Variants in BCAS3 observed in about 807,000 individuals in gnomAD.
The protein encoded by BCAS3 is BCAS4/BCAS3 fusion.
Under a neutral mutation model 116.1 loss-of-function variants are expected in BCAS3, and 53 were observed. The observed-to-expected ratio is 0.46, with a 90% CI of 0.37 to 0.57. The LOEUF is 0.57. Ranked by LOEUF, BCAS3 falls within the 20% of genes least tolerant of loss-of-function variation. The pLI, the probability that BCAS3 is intolerant of heterozygous loss-of-function variation, is 0.00. For synonymous variants in BCAS3, 391 were observed against 408.2 expected, an observed-to-expected ratio of 0.96 and a Z score of 0.51; for missense variants, 917 against 1,165.4, an observed-to-expected ratio of 0.79 and a Z score of 3.10.
At chr17:60,717,645 A>G (rs986659910) in intron 5 of BCAS3, among the ~76,000 whole-genome samples, 1 of 152,166 alleles carries the variant, frequency 6.6e-6, no homozygotes, top group Admixed American at 6.6e-5. Context: ...CCTTGTAAGG[A>G]CATCTAAAAT....
chr17:61,355,281 T>A lies in BCAS3; in HGVS notation c.2426-13046T>A, dbSNP rs1026928141. The A allele has an allele frequency of 6.6e-6, 1 of 152,044 alleles. No individual in the cohort carries two copies. The highest frequency in any genetic ancestry group is 1.5e-5 in the Non-Finnish European group (1 of 68,036). The allele number at this position is 152,044 out of a possible 1,614,324, so 9.4% of individuals were successfully genotyped here. A position where few individuals can be genotyped will look rare whatever the true frequency, so the allele number is the denominator to read the frequency against. On this transcript the variant is annotated intron_variant, in intron 22 of 23. Coordinates refer to ENST00000407086, the MANE Select transcript of BCAS3 (RefSeq NM_017679.5). This position sits in a 1 kb window ranked among gnomAD's most constrained non-coding sequence, Gnocchi z 4.2. ...CTTTGACTAATAAAAACAGAAGACT[T>A]CTTGGCCCCAGGTTTCAGACTTCAA...
intron 7 of BCAS3, chr17:60,810,907 A>T (rs962899123): frequency 1.4e-6 from 1 of 698,166 alleles, no homozygotes; most frequent in Non-Finnish European, 2.6e-6. Context: ...TCTCACCAAG[A>T]TCATGGCAGA....
At chr17:61,160,099 A>G (rs142153843) in intron 22 of BCAS3, among the ~76,000 whole-genome samples, 2 of 151,748 alleles carry the variant, frequency 1.3e-5, no homozygotes, top group East Asian at 1.9e-4. Flanking sequence ...AAATCTTTAT[A>G]TGCTACTAGA....
intron 14 of BCAS3, among the ~76,000 whole-genome samples, chr17:60,968,395 T>A (rs77636108): frequency 0.011 from 1,600 of 152,044 alleles, 40 homozygotes; most frequent in African/African-American, 0.037. Context: ...TTAAAAAGAA[T>A]TTTTTTTGTT....
Position 61,071,961 on chromosome 17 carries a change from A to G in BCAS3, c.2030-2959A>G, listed in dbSNP as rs192817194. The stretch of plus-strand genomic sequence containing the variant: ...TGTATCAAACATGGAAAAAATGGTG[A>G]GGCAGAGGAAGGATATTTATTTGAT... On this transcript the variant is annotated intron_variant, in intron 19 of 23. Transcript: ENST00000407086. Among the ~76,000 whole-genome samples, 666 of 152,324 alleles carry G rather than the reference A, an allele frequency of 4.4e-3. 6 individuals are homozygous for G. Among genetic ancestry groups the G allele is most frequent in the African/African-American group, 0.015 (617 of 41,572 alleles).
At chr17:60,870,011 C>A (rs1206392724) in intron 8 of BCAS3, among the ~76,000 whole-genome samples, 4 of 152,178 alleles carry the variant, frequency 2.6e-5, no homozygotes, top group African/African-American at 9.6e-5. Flanking sequence ...GAAATCAAAA[C>A]TGTAATTGTA....
chr17:60,809,840 T>C (rs1164579219), intron 7 of BCAS3, among the ~76,000 whole-genome samples: 2 of 152,146 alleles, frequency 1.3e-5, no homozygotes, highest in African/African-American at 4.8e-5. Context: ...GAATCCTCTG[T>C]TGAGTAGTTG....
At position 61,344,568 on chromosome 17, in the gene BCAS3, C is replaced by T. The variant is rs576125577; in HGVS notation, c.2426-23759C>T. Among the ~76,000 whole-genome samples the T allele has an allele frequency of 3.9e-5, 6 of 152,274 alleles. No individual in the cohort carries two copies. In the East Asian group the frequency reaches 1.2e-3, roughly 29 times the overall value. ...CTTATATTCTAGAGGAGGAAACAGC[C>T]AGCAGTGGCAGTAGTGTGTTACATG... On this transcript the variant is annotated intron_variant, in intron 22 of 23. Coordinates refer to ENST00000407086, the MANE Select transcript of BCAS3 (RefSeq NM_017679.5). This position sits in a 1 kb window ranked among gnomAD's most constrained non-coding sequence, Gnocchi z 4.1.
intron 6 of BCAS3, among the ~76,000 whole-genome samples, chr17:60,764,461 G>A (rs1448839362): frequency 6.6e-6 from 1 of 152,174 alleles, no homozygotes; most frequent in Non-Finnish European, 1.5e-5. Flanking sequence ...TTACCCAGTA[G>A]TCATTCAGGA....
chr17:61,024,748 AG>A (rs1157935175), intron 16 of BCAS3, among the ~76,000 whole-genome samples: 1 of 151,972 alleles, frequency 6.6e-6, no homozygotes, highest in Non-Finnish European at 1.5e-5. Flanking sequence ...CTGGCTCTAC[AG>A]GTAGGGAATA....
chr17:61,310,357 C>T (rs1014996119), intron 22 of BCAS3, among the ~76,000 whole-genome samples: 2 of 152,072 alleles, frequency 1.3e-5, no homozygotes, highest in Non-Finnish European at 2.9e-5. Flanking sequence ...AGTTTGAGAC[C>T]AGCCTGGCCA....
In BCAS3 at chr17:61,086,590, A is replaced by T. The variant is rs574323501; in HGVS notation, c.2425+2026A>T. ...CCTAAGATTACTTAATTTGCATCAGAGATACACTGTATGAGTTTCGATGGC... is the reference window on the plus strand; with the variant it reads ...CCTAAGATTACTTAATTTGCATCAGTGATACACTGTATGAGTTTCGATGGC... On this transcript the variant is annotated intron_variant, in intron 22 of 23. Coordinates refer to ENST00000407086, the MANE Select transcript of BCAS3 (RefSeq NM_017679.5). 3.4e-5 allele frequency: 22 copies of T among 654,080 alleles called. No homozygotes were observed. In the East Asian group the frequency reaches 2.7e-3, roughly 81 times the overall value. The allele number at this position is 654,080 out of a possible 1,614,324, so 40.5% of individuals were successfully genotyped here. A position where few individuals can be genotyped will look rare whatever the true frequency, so the allele number is the denominator to read the frequency against.
At position 61,339,984 on chromosome 17, in the gene BCAS3, T is replaced by A. The variant is rs1178096217; in HGVS notation, c.2426-28343T>A. Among the ~76,000 whole-genome samples, 2 of 152,174 alleles carry A rather than the reference T, an allele frequency of 1.3e-5. No individual in the cohort carries two copies. The highest frequency in any genetic ancestry group is 1.5e-5 in the Non-Finnish European group (1 of 68,040). On this transcript the variant is annotated intron_variant, in intron 22 of 23. Transcript: ENST00000407086. The surrounding 1 kb of genome is among the most constrained non-coding windows in gnomAD (Gnocchi z 4.4). ...TGGGATTCAATAATGTGGAAGTCTC[T>A]GCATTAATTGATTTGTTGAAAAAGA...
At chr17:61,291,354 T>C (rs1292246000) in intron 22 of BCAS3, among the ~76,000 whole-genome samples, 3 of 152,212 alleles carry the variant, frequency 2.0e-5, no homozygotes, top group African/African-American at 4.8e-5. Context: ...AACATTACTA[T>C]ACTTGATGTG....
At chr17:61,061,473 A>T (rs916668449) in intron 19 of BCAS3, among the ~76,000 whole-genome samples, 2 of 152,210 alleles carry the variant, frequency 1.3e-5, no homozygotes, top group African/African-American at 4.8e-5. Flanking sequence ...TTGCTATTCA[A>T]CTGTGCCATT....
chr17:60,722,441 G>A (rs2039338032), intron 5 of BCAS3, among the ~76,000 whole-genome samples: 1 of 152,132 alleles, frequency 6.6e-6, no homozygotes. Context: ...TTGCGGATGT[G>A]TTGATATCTT....
chr17:60,911,609 A>G (rs2058517810), intron 12 of BCAS3, among the ~76,000 whole-genome samples: 1 of 147,594 alleles, frequency 6.8e-6, no homozygotes, highest in African/African-American at 2.5e-5. Context: ...TAATTTTTGT[A>G]TTTTTGGTAG....
chr17:61,263,487 C>T (rs865776738), intron 22 of BCAS3, among the ~76,000 whole-genome samples: 1 of 152,334 alleles, frequency 6.6e-6, no homozygotes, highest in Middle Eastern at 3.4e-3. Flanking sequence ...GAGACCCAGT[C>T]GATGCTGCCC....
At chr17:61,148,899 A>C (rs2077391103) in intron 22 of BCAS3, among the ~76,000 whole-genome samples, 3 of 152,222 alleles carry the variant, frequency 2.0e-5, no homozygotes, top group African/African-American at 7.2e-5. Context: ...GTACTGTACC[A>C]CAGAGTGCCA....
Sources: allele counts gnomAD v4.1 joint callset (sites outside exome capture counted in the v4.1 genomes callset), GRCh38; gene constraint gnomAD v4.1.1; non-coding constraint Gnocchi (gnomAD v3.1); transcripts MANE v1.5; gene names NCBI Gene and HGNC (gene_info 2026-07-23, HGNC 2026-07-21).